The following LINGO2 variants were observed in gnomAD, a reference collection of about 807,000 sequenced individuals.
The protein encoded by LINGO2 is leucine rich repeat and Ig domain containing 2, also known as leucine-rich repeat and immunoglobulin-like domain-containing nogo receptor-interacting protein 2.
A neutral mutation model predicts 30.6 loss-of-function variants in LINGO2; 14 were observed. The ratio of observed to expected loss-of-function variants is 0.46; its 90% CI spans 0.30 to 0.72. The LOEUF (loss-of-function observed/expected upper bound fraction) is 0.72. LINGO2 is among the 30% of genes least tolerant of loss of function. LINGO2 has a pLI of 0.07. For missense variants in LINGO2, 729 were observed against 751.7 expected (o/e 0.97, Z 0.35); for synonymous variants, 317 against 288.5 (o/e 1.10, Z -1.00).
At chr9:28,842,569 C>T in the LINGO2 span, among the ~76,000 whole-genome samples, 3 of 151,834 alleles carry the variant, frequency 2.0e-5, no homozygotes, top group Non-Finnish European at 4.4e-5. Context: ...CTAAAGTCCC[C>T]ACCAAATGTA....
At chr9:28,217,243 T>A (rs1214096987) in intron 4 of LINGO2, among the ~76,000 whole-genome samples, 2 of 151,670 alleles carry the variant, frequency 1.3e-5, no homozygotes, top group African/African-American at 4.8e-5. Flanking sequence ...TTACTTGGAA[T>A]GAACTTCTGA....
At chr9:29,083,654 AT>A in the LINGO2 span, among the ~76,000 whole-genome samples, 1 of 148,156 alleles carries the variant, frequency 6.7e-6, no homozygotes, top group African/African-American at 2.5e-5. Context: ...GAAAAAAAAA[AT>A]AGCTGGGATG....
intron 4 of LINGO2, among the ~76,000 whole-genome samples, chr9:28,287,117 AT>A (rs958102929): frequency 2.6e-5 from 4 of 152,204 alleles, no homozygotes; most frequent in Admixed American, 2.0e-4. Context: ...TTAGTGAAAA[AT>A]ATCACACTTC....
the LINGO2 span, among the ~76,000 whole-genome samples, chr9:28,713,945 G>A: frequency 6.6e-6 from 1 of 151,898 alleles, no homozygotes; most frequent in Non-Finnish European, 1.5e-5. Flanking sequence ...ATCACCTGAG[G>A]TCAGGAGTTT....
chr9:29,018,151 T>C, the LINGO2 span, among the ~76,000 whole-genome samples: 1 of 149,500 alleles, frequency 6.7e-6, no homozygotes, highest in African/African-American at 2.4e-5. Context: ...ATGGATGCAG[T>C]TGGAGTTCAT....
At chr9:28,279,030 G>C (rs1301297591) in intron 4 of LINGO2, among the ~76,000 whole-genome samples, 1 of 152,152 alleles carries the variant, frequency 6.6e-6, no homozygotes, top group African/African-American at 2.4e-5. Context: ...AAGGTTACAG[G>C]CTTCGGTAGA....
At chr9:29,083,695 A>G in the LINGO2 span, among the ~76,000 whole-genome samples, 1 of 152,130 alleles carries the variant, frequency 6.6e-6, no homozygotes, top group Non-Finnish European at 1.5e-5. Context: ...TCTGAAGTTC[A>G]CACTAAAAAG....
the LINGO2 span, among the ~76,000 whole-genome samples, chr9:29,058,436 C>T: frequency 6.6e-6 from 1 of 151,726 alleles, no homozygotes; most frequent in East Asian, 1.9e-4. Flanking sequence ...GTAAAAAGTA[C>T]ATAAATGGCC....
rs140779747 is a variant in LINGO2 at position 28,449,032 on chromosome 9, CGTGTGTGTGTGTGTGT to C, written c.-279+26892_-279+26907del. ...TCCATTCTGCCTATGTATTCACATT[CGTGTGTGTGTGTGTGT>C]GTGTGTGTGTGTGTGTGTGTGTGTG... is the stretch of plus-strand genomic sequence containing the variant. On this transcript the variant is annotated intron_variant, in intron 2 of 5. Coordinates refer to ENST00000379992, the Ensembl canonical transcript of LINGO2. Among the ~76,000 whole-genome samples, 891 of 137,998 alleles carry C rather than the reference CGTGTGTGTGTGTGTGT, an allele frequency of 6.5e-3. 6 individuals carry two copies. Among genetic ancestry groups the C allele is most frequent in the Middle Eastern group, 0.015 (4 of 266 alleles). The allele number at this position is 137,998 out of a possible 152,430, so 90.5% of individuals were successfully genotyped here.
the LINGO2 span, among the ~76,000 whole-genome samples, chr9:28,721,838 A>C: frequency 6.6e-6 from 1 of 152,124 alleles, no homozygotes; most frequent in East Asian, 1.9e-4. Flanking sequence ...AAAAAATTAA[A>C]AACATGGAGA....
chr9:28,413,790 T>C (rs1822864110), intron 2 of LINGO2, among the ~76,000 whole-genome samples: 1 of 152,124 alleles, frequency 6.6e-6, no homozygotes, highest in South Asian at 2.1e-4. Context: ...GGCTATGCTT[T>C]GTCTGTGTTA....
At chr9:28,907,839 T>C in the LINGO2 span, among the ~76,000 whole-genome samples, 2 of 151,418 alleles carry the variant, frequency 1.3e-5, no homozygotes, top group East Asian at 1.9e-4. Context: ...CTTGAAGAAA[T>C]TGCATTCGAG....
the LINGO2 span, among the ~76,000 whole-genome samples, chr9:28,912,266 G>A: frequency 2.0e-5 from 3 of 152,136 alleles, no homozygotes; most frequent in African/African-American, 4.8e-5. Flanking sequence ...ATGACTGGTG[G>A]TCAAGCAGCA....
chr9:28,260,521 T>C (rs555363067), intron 4 of LINGO2, among the ~76,000 whole-genome samples: 15 of 152,012 alleles, frequency 9.9e-5, no homozygotes, highest in Non-Finnish European at 1.6e-4. Flanking sequence ...TGAGACAGAC[T>C]CTTAAATGCT....
the LINGO2 span, among the ~76,000 whole-genome samples, chr9:29,179,737 C>T: frequency 3.3e-5 from 5 of 152,116 alleles, no homozygotes; most frequent in Non-Finnish European, 5.9e-5. Flanking sequence ...CTTGTATGTG[C>T]TATTAATTCC....
chr9:29,062,139 A>G, the LINGO2 span, among the ~76,000 whole-genome samples: 1 of 152,070 alleles, frequency 6.6e-6, no homozygotes, highest in South Asian at 2.1e-4. Flanking sequence ...ACATCACTTC[A>G]TATTTTAGGA....
Position 28,534,701 on chromosome 9 carries a change from A to T in LINGO2, c.-364-58676T>A, listed in dbSNP as rs145233767. Among the ~76,000 whole-genome samples the T allele has an allele frequency of 7.3e-3, 1,105 of 152,278 alleles. 13 individuals carry two copies. Among genetic ancestry groups the T allele is most frequent in the Non-Finnish European group, 9.3e-3 (634 of 68,010 alleles). On this transcript the variant is annotated intron_variant, in intron 1 of 5. Coordinates refer to ENST00000379992, the Ensembl canonical transcript of LINGO2. Reference sequence around the variant, plus strand: ...ATTAGCAAACTAAGAAAAGCCATTAAAATTATTCTACTGAATTAAATATAG... The same window carrying T: ...ATTAGCAAACTAAGAAAAGCCATTATAATTATTCTACTGAATTAAATATAG...
chr9:28,582,813 C>G (rs189207921), intron 1 of LINGO2, among the ~76,000 whole-genome samples: 2 of 151,992 alleles, frequency 1.3e-5, no homozygotes, highest in Non-Finnish European at 1.5e-5. Context: ...CAAACATTTG[C>G]GAACCTTTTT....
At chr9:28,372,261 T>C (rs899635414) in intron 3 of LINGO2, among the ~76,000 whole-genome samples, 2 of 152,306 alleles carry the variant, frequency 1.3e-5, no homozygotes, top group African/African-American at 4.8e-5. Context: ...AATAAAAACA[T>C]AATGTTTTCT....
Sources: allele counts gnomAD v4.1 joint callset (sites outside exome capture counted in the v4.1 genomes callset), GRCh38; gene constraint gnomAD v4.1.1; transcripts MANE v1.5; gene names NCBI Gene and HGNC (gene_info 2026-07-23, HGNC 2026-07-21).